The following MAD1L1 variants were observed in gnomAD, a reference collection of about 807,000 sequenced individuals.
MAD1L1 encodes the protein mitotic spindle assembly checkpoint protein MAD1.
MAD1L1 carries 95 observed loss-of-function variants against 96.9 expected under a neutral mutation model. The observed-to-expected ratio is 0.98, with a 90% CI of 0.83 to 1.16. The LOEUF (loss-of-function observed/expected upper bound fraction) is 1.16, where lower values mean the gene tolerates loss of function less well. Among genes scored for constraint, MAD1L1 ranks in the 50% most tolerant of loss-of-function variants. The pLI, the probability that MAD1L1 is intolerant of heterozygous loss-of-function variation, is 0.00. For synonymous variants in MAD1L1, 473 were observed against 396.6 expected (o/e 1.19, Z -2.29); for missense variants, 1,007 against 954.4 (o/e 1.06, Z -0.73).
intron 12 of MAD1L1, among the ~76,000 whole-genome samples, chr7:2,062,373 G>C (rs774121723): frequency 1.3e-5 from 2 of 150,960 alleles, no homozygotes; most frequent in African/African-American, 4.9e-5. Context: ...TCAGGAGTTC[G>C]AGACCAACCT....
intron 17 of MAD1L1, among the ~76,000 whole-genome samples, chr7:1,930,627 C>A (rs1434348045): frequency 6.7e-6 from 1 of 149,688 alleles, no homozygotes; most frequent in Non-Finnish European, 1.5e-5. Context: ...TTCGTCCCAC[C>A]GTCACATCCC....
At chr7:2,071,179 G>A (rs1785108532) in intron 11 of MAD1L1, among the ~76,000 whole-genome samples, 1 of 152,074 alleles carries the variant, frequency 6.6e-6, no homozygotes, top group Non-Finnish European at 1.5e-5. Context: ...TCATGTTTGA[G>A]TGAAGTGAAT....
chr7:1,851,370 T>A (rs2128640855), intron 18 of MAD1L1, among the ~76,000 whole-genome samples: 1 of 152,292 alleles, frequency 6.6e-6, no homozygotes, highest in South Asian at 2.1e-4. Context: ...GAGATGGGAC[T>A]CGAGGTCACG....
intron 14 of MAD1L1, among the ~76,000 whole-genome samples, chr7:1,988,872 C>G (rs1781279274): frequency 6.6e-6 from 1 of 152,234 alleles, no homozygotes; most frequent in African/African-American, 2.4e-5. Flanking sequence ...GAGGCAGGGC[C>G]ACGTGTGCCT....
intron 11 of MAD1L1, among the ~76,000 whole-genome samples, chr7:2,106,830 G>C (rs1787126082): frequency 6.6e-6 from 1 of 152,202 alleles, no homozygotes; most frequent in Non-Finnish European, 1.5e-5. Context: ...CTGGGAGCCA[G>C]TCACCCTTCA....
chr7:2,176,728 C>A (rs867709333), intron 10 of MAD1L1, among the ~76,000 whole-genome samples: 1 of 151,518 alleles, frequency 6.6e-6, no homozygotes, highest in Admixed American at 6.6e-5. Flanking sequence ...TCTCTATACA[C>A]GAGAATCCAG....
Position 1,968,955 on chromosome 7 carries a change from G to C in MAD1L1, c.1506-11236C>G, listed in dbSNP as rs1336593172. 6.6e-6 allele frequency among the ~76,000 whole-genome samples: 1 copy of C among 152,242 alleles called. No individual in the cohort carries two copies. The highest frequency in any genetic ancestry group is 1.5e-5 in the Non-Finnish European group (1 of 68,042). ...GAGACAGGCCCAGAGTCACACGCCG[G>C]TGACGAGCACCATGGCAGCGTGAGA... On this transcript the variant is annotated intron_variant, in intron 15 of 18. Coordinates refer to ENST00000265854, the MANE Select transcript of MAD1L1 (RefSeq NM_001013836.2). The surrounding 1 kb of genome is among the most constrained non-coding windows in gnomAD (Gnocchi z 5.6).
chr7:2,111,336 G>A (rs1007102286), intron 11 of MAD1L1, among the ~76,000 whole-genome samples: 6 of 152,210 alleles, frequency 3.9e-5, no homozygotes, highest in African/African-American at 7.2e-5. Context: ...AGTCCCAGGC[G>A]TGGAAGCCTC....
chr7:2,016,231 C>T lies in MAD1L1; in HGVS notation c.1219-1589G>A, dbSNP rs377572144. Among the ~76,000 whole-genome samples the T allele has an allele frequency of 4.5e-4, 68 of 152,308 alleles. 1 individual carries two copies. The highest frequency in any genetic ancestry group is 1.4e-3 in the African/African-American group (59 of 41,578). On this transcript the variant is annotated intron_variant, in intron 12 of 18. Coordinates refer to ENST00000265854, the MANE Select transcript of MAD1L1 (RefSeq NM_001013836.2). ...ACACCCCTTCCCAACACACATGCTG[C>T]GCAAGGGGCCAATGCTCCGGCACAG...
At chr7:2,222,933 C>A (rs995495412) in intron 4 of MAD1L1, among the ~76,000 whole-genome samples, 179 bp from the exon 5 acceptor site, 2 of 152,232 alleles carry the variant, frequency 1.3e-5, no homozygotes, top group South Asian at 2.1e-4. Context: ...AGCGTTGGCA[C>A]CCCCGCTGTG....
chr7:2,058,802 G>C (rs539506587), intron 12 of MAD1L1, among the ~76,000 whole-genome samples: 30 of 126,144 alleles, frequency 2.4e-4, no homozygotes, highest in African/African-American at 8.6e-4. Context: ...AGAGGCGCGG[G>C]GCTGGAGTGG....
intron 11 of MAD1L1, among the ~76,000 whole-genome samples, chr7:2,097,570 C>G (rs572194347): frequency 1.8e-4 from 28 of 152,198 alleles, no homozygotes; most frequent in Non-Finnish European, 3.7e-4. Flanking sequence ...TGAGAAAGTG[C>G]TTCTCACACC....
intron 11 of MAD1L1, among the ~76,000 whole-genome samples, chr7:2,124,263 G>T (rs989837293): frequency 6.6e-6 from 1 of 152,192 alleles, no homozygotes; most frequent in African/African-American, 2.4e-5. Context: ...ACCCAGACAG[G>T]CCTCTTCCAA....
At chr7:2,154,758 A>C (rs1172226187) in intron 10 of MAD1L1, among the ~76,000 whole-genome samples, 1 of 152,222 alleles carries the variant, frequency 6.6e-6, no homozygotes, top group Non-Finnish European at 1.5e-5. Flanking sequence ...GAAAAAGAAA[A>C]GATGAAATGG....
intron 11 of MAD1L1, among the ~76,000 whole-genome samples, chr7:2,082,005 C>G (rs149760090): frequency 9.9e-5 from 15 of 152,196 alleles, no homozygotes; most frequent in African/African-American, 2.9e-4. Context: ...GAGGTTGGAG[C>G]CAAAGATAGA....
At chr7:1,901,201 T>C (rs1376909841) in intron 17 of MAD1L1, among the ~76,000 whole-genome samples, 2 of 152,230 alleles carry the variant, frequency 1.3e-5, no homozygotes, top group Admixed American at 6.5e-5. Flanking sequence ...GACCCCCCTT[T>C]ATCCCTGTAG....
chr7:2,139,997 CCCCAGTCCCT>C (rs1200762123), intron 11 of MAD1L1, among the ~76,000 whole-genome samples: 3 of 148,870 alleles, frequency 2.0e-5, no homozygotes, highest in Non-Finnish European at 3.0e-5. Context: ...CCCCGCCCCC[CCCCAGTCCCT>C]GCCCTGCTCC....
chr7:1,893,917 G>A (rs1048570951), intron 18 of MAD1L1, among the ~76,000 whole-genome samples: 1 of 152,246 alleles, frequency 6.6e-6, no homozygotes, highest in Non-Finnish European at 1.5e-5. Context: ...TGCAGGCAGA[G>A]GTGCCAACAT....
intron 12 of MAD1L1, among the ~76,000 whole-genome samples, chr7:2,052,210 A>G (rs1784211526): frequency 6.6e-6 from 1 of 152,154 alleles, no homozygotes; most frequent in South Asian, 2.1e-4. Flanking sequence ...CCACGCGCAC[A>G]GCCACAGCTC....
Sources: gnomAD v4.1 joint callset for allele counts (sites outside exome capture counted in the v4.1 genomes callset) on GRCh38, gnomAD v4.1.1 for gene constraint, Gnocchi (gnomAD v3.1) non-coding constraint, MANE v1.5 for transcripts, NCBI Gene and HGNC (gene_info 2026-07-23, HGNC 2026-07-21) for gene names.